Variants in KCNQ5 observed in about 807,000 individuals in gnomAD.
The protein encoded by KCNQ5 is potassium voltage-gated channel subfamily KQT member 5.
In KCNQ5, 30 loss-of-function variants were observed where a neutral mutation model predicts 98.2. The ratio of observed to expected loss-of-function variants is 0.31; its 90% CI spans 0.23 to 0.41. The LOEUF (loss-of-function observed/expected upper bound fraction) is 0.41, where lower values mean the gene tolerates loss of function less well. Among genes scored for constraint, KCNQ5 ranks in the 10% least tolerant of loss-of-function variants. The pLI, the probability that KCNQ5 is intolerant of heterozygous loss-of-function variation, is 1.00. For synonymous variants in KCNQ5, 458 were observed against 449.4 expected (o/e 1.02, Z -0.24); for missense variants, 835 against 1,182.5 (o/e 0.71, Z 4.31).
intron 11 of KCNQ5, among the ~76,000 whole-genome samples, chr6:73,173,779 G>C (rs928666132): frequency 6.0e-5 from 9 of 149,702 alleles, no homozygotes; most frequent in Non-Finnish European, 1.3e-4. Flanking sequence ...GTGAAACCCT[G>C]TCTCTAAAGG....
intron 5 of KCNQ5, among the ~76,000 whole-genome samples, chr6:73,089,837 C>T (rs1480891439): frequency 6.6e-6 from 1 of 152,020 alleles, no homozygotes; most frequent in Non-Finnish European, 1.5e-5. Flanking sequence ...GGGTTGGTTC[C>T]ACATTTTTGC....
intron 1 of KCNQ5, among the ~76,000 whole-genome samples, chr6:72,842,558 T>C (rs1776841517): frequency 6.6e-6 from 1 of 152,050 alleles, no homozygotes; most frequent in Non-Finnish European, 1.5e-5. Context: ...CCCATCTGAC[T>C]CTTAAATTTA....
At chr6:72,943,042 T>C (rs1335713208) in intron 1 of KCNQ5, among the ~76,000 whole-genome samples, 1 of 152,236 alleles carries the variant, frequency 6.6e-6, no homozygotes, top group Non-Finnish European at 1.5e-5. Flanking sequence ...TTGATGCAAC[T>C]AAAGGCAATT....
At chr6:73,162,990 G>A (rs1051227261) in intron 10 of KCNQ5, among the ~76,000 whole-genome samples, 3 of 152,202 alleles carry the variant, frequency 2.0e-5, no homozygotes, top group African/African-American at 7.2e-5. Flanking sequence ...TAGCTGCCTT[G>A]TGCCCTCTGC....
chr6:73,170,604 T>C (rs1582482110), intron 11 of KCNQ5, among the ~76,000 whole-genome samples: 1 of 150,722 alleles, frequency 6.6e-6, no homozygotes, highest in African/African-American at 2.4e-5. Flanking sequence ...AAGAAATACC[T>C]CTGCCTGTTG....
intron 6 of KCNQ5, 120 bp downstream of exon 6, chr6:73,105,487 C>T (rs746976554): frequency 6.6e-5 from 33 of 503,416 alleles, no homozygotes; most frequent in Non-Finnish European, 8.9e-5. Flanking sequence ...ATAATTTTTC[C>T]GATATAATGT....
At chr6:72,849,701 C>T (rs1777167082) in intron 1 of KCNQ5, among the ~76,000 whole-genome samples, 1 of 152,158 alleles carries the variant, frequency 6.6e-6, no homozygotes, top group African/African-American at 2.4e-5. Context: ...TTTCTTTCCA[C>T]ATAGCCCTCT....
At chr6:73,003,233 G>T (rs1216240764) in intron 1 of KCNQ5, among the ~76,000 whole-genome samples, 2 of 152,124 alleles carry the variant, frequency 1.3e-5, no homozygotes, top group African/African-American at 2.4e-5. Context: ...GCCTGATCCT[G>T]AATTCTGTTT....
Position 73,124,686 on chromosome 6 carries a change from C to T in KCNQ5, c.1247+174C>T. 4.6e-6 allele frequency: 3 copies of T among 649,244 alleles called. No homozygotes were observed. In the South Asian group the frequency reaches 5.5e-5, roughly 12 times the overall value. 40.2% of individuals were successfully genotyped at this position (649,244 alleles called of 1,614,324 possible). A position where few individuals can be genotyped will look rare whatever the true frequency, so the allele number is the denominator to read the frequency against. On this transcript the variant is annotated intron_variant, in intron 9 of 13. Coordinates refer to ENST00000370398, the MANE Select transcript of KCNQ5 (RefSeq NM_019842.4). ...TTATTGATATTTCGCCCCTTAGTAT[C>T]AAAGTGTCTTTCCCTAACTCACTCC...
chr6:73,134,196 G>A (rs2150458539), intron 10 of KCNQ5: 1 of 250,906 alleles, frequency 4.0e-6, no homozygotes, highest in Non-Finnish European at 8.1e-6. Flanking sequence ...TAAAATTCAA[G>A]TTCTTCTCCC....
rs531893397 is a variant in KCNQ5 at position 72,965,324 on chromosome 6, AG to A, written c.399-38582del. Among the ~76,000 whole-genome samples the A allele has an allele frequency of 1.5e-4, 23 of 152,340 alleles. No homozygotes were observed. The East Asian group carries it at 4.4e-3, about 29-fold the overall frequency. ...ATAACGTATCATTAAATGGAAGCAC[AG>A]GTAAAACAATAATATGTATTGATAA... On this transcript the variant is annotated intron_variant, in intron 1 of 13. Coordinates refer to ENST00000370398, the MANE Select transcript of KCNQ5 (RefSeq NM_019842.4).
rs1265321087 is a variant in KCNQ5 at position 73,194,960 on chromosome 6, C to A, written c.2345C>A (p.Thr782Asn). The A allele has an allele frequency of 1.9e-6, 3 of 1,614,222 alleles. No homozygotes were observed. The highest frequency in any genetic ancestry group is 2.5e-6 in the Non-Finnish European group (3 of 1,180,050). ...CAGGAAAGCATTTCTGACGTCACCA[C>A]CTGCCTTGTTGCCTCCAAGGAAAAT... ...GLQESISDVT[T>N]CLVASKENVQ... The change falls in exon 14 of 14, where the codon ACC (threonine) becomes AAC (asparagine). Residue 782 changes from threonine to asparagine, a missense_variant. Thr to Asn is a moderately conservative substitution (Grantham distance 65). This residue lies in a region of KCNQ5 where 416 missense variants were observed against 446.9 expected (regional missense o/e 0.93). Transcript: ENST00000370398.
At chr6:73,095,994 G>T (rs1019359930) in intron 5 of KCNQ5, among the ~76,000 whole-genome samples, 29 of 152,162 alleles carry the variant, frequency 1.9e-4, no homozygotes, top group African/African-American at 6.3e-4. Context: ...ATGATCACAA[G>T]ATGAGGTCCC....
chr6:72,816,333 A>T (rs1313835342), intron 1 of KCNQ5, among the ~76,000 whole-genome samples: 1 of 152,094 alleles, frequency 6.6e-6, no homozygotes, highest in African/African-American at 2.4e-5. Flanking sequence ...AGCATAGAAG[A>T]TTTTCTCAAG....
chr6:72,864,742 T>C (rs1158992315), intron 1 of KCNQ5, among the ~76,000 whole-genome samples: 1 of 152,122 alleles, frequency 6.6e-6, no homozygotes, highest in African/African-American at 2.4e-5. Flanking sequence ...GAAATATAAG[T>C]GCTACAAACT....
intron 5 of KCNQ5, among the ~76,000 whole-genome samples, chr6:73,101,089 A>G (rs1774754160): frequency 6.6e-6 from 1 of 152,204 alleles, no homozygotes; most frequent in African/African-American, 2.4e-5. Context: ...TCCTGCTCAA[A>G]CTATTCCAAA....
chr6:72,953,020 C>A (rs1336000837), intron 1 of KCNQ5, among the ~76,000 whole-genome samples: 1 of 152,194 alleles, frequency 6.6e-6, no homozygotes, highest in Non-Finnish European at 1.5e-5. Flanking sequence ...CTTACTCACC[C>A]TCTCCAGTAG....
At position 72,916,187 on chromosome 6, in the gene KCNQ5, A is replaced by T. The variant is rs770437884; in HGVS notation, c.399-87721A>T. Among the ~76,000 whole-genome samples, 3 of 152,112 alleles carry T rather than the reference A, an allele frequency of 2.0e-5. 1 individual carries two copies. In the South Asian group the frequency reaches 6.2e-4, roughly 32 times the overall value. On this transcript the variant is annotated intron_variant, in intron 1 of 13. Coordinates refer to ENST00000370398, the MANE Select transcript of KCNQ5 (RefSeq NM_019842.4). The stretch of plus-strand genomic sequence containing the variant: ...AACATTGGTAGTTTCTATGGTAGCA[A>T]TTTCTCATTTTATGTCTTTTTCCCA...
chr6:72,863,325 A>G (rs545924115), intron 1 of KCNQ5, among the ~76,000 whole-genome samples: 2 of 152,346 alleles, frequency 1.3e-5, no homozygotes, highest in South Asian at 2.1e-4. Flanking sequence ...GGGTCAAGCA[A>G]GTCTGTTTCT....
Sources: gnomAD v4.1 joint callset for allele counts (sites outside exome capture counted in the v4.1 genomes callset) on GRCh38, gnomAD v4.1.1 for gene constraint, gnomAD v4.1.1 regional missense constraint, MANE v1.5 for transcripts, NCBI Gene and HGNC (gene_info 2026-07-23, HGNC 2026-07-21) for gene names.